Variants in SPIN1 observed in about 807,000 individuals in gnomAD.
SPIN1 encodes spindlin 1.
A neutral mutation model predicts 26.0 loss-of-function variants in SPIN1; 3 were observed. The observed-to-expected ratio is 0.12, with a 90% confidence interval of 0.05 to 0.30. The LOEUF (loss-of-function observed/expected upper bound fraction) is 0.30. SPIN1 is among the 10% of genes least tolerant of loss of function. The pLI is 1.00. For synonymous variants in SPIN1, 101 were observed against 116.5 expected, an observed-to-expected ratio of 0.87 and a Z score of 0.86; for missense variants, 126 against 333.4, an observed-to-expected ratio of 0.38 and a Z score of 4.84.
chr9:88,390,107 A>G (rs189261331), intron 1 of SPIN1, among the ~76,000 whole-genome samples: 1 of 152,342 alleles, frequency 6.6e-6, no homozygotes, highest in Admixed American at 6.5e-5. Flanking sequence ...TCTTTTGAGT[A>G]GTGAAATGGT....
At chr9:88,459,573 C>T (rs1208310136) in intron 3 of SPIN1, among the ~76,000 whole-genome samples, 1 of 152,096 alleles carries the variant, frequency 6.6e-6, no homozygotes, top group Non-Finnish European at 1.5e-5. Context: ...ACTCACTATA[C>T]TTACTCTGCT....
At chr9:88,398,115 C>T (rs927812094) in intron 1 of SPIN1, among the ~76,000 whole-genome samples, 15 of 151,878 alleles carry the variant, frequency 9.9e-5, no homozygotes, top group South Asian at 2.1e-4. Flanking sequence ...TTAGTAGAGA[C>T]GGGATTTTGC....
At chr9:88,474,040 T>C (rs1828843895) in intron 5 of SPIN1, among the ~76,000 whole-genome samples, 1 of 152,232 alleles carries the variant, frequency 6.6e-6, no homozygotes, top group Non-Finnish European at 1.5e-5. Context: ...GAGAATTTAT[T>C]GTAACCGAAG....
intron 2 of SPIN1, among the ~76,000 whole-genome samples, chr9:88,430,139 G>A (rs1022306105): frequency 2.0e-5 from 3 of 152,152 alleles, no homozygotes; most frequent in South Asian, 4.1e-4. Flanking sequence ...CACCAAAAAA[G>A]GGTTTTGTCT....
chr9:88,458,385 C>A (rs751538981), intron 3 of SPIN1, among the ~76,000 whole-genome samples: 7 of 152,108 alleles, frequency 4.6e-5, no homozygotes, highest in Non-Finnish European at 2.9e-5. Flanking sequence ...TAAAGGACCC[C>A]GGGTCCAGTT....
intron 2 of SPIN1, among the ~76,000 whole-genome samples, chr9:88,441,175 C>G (rs1317463883): frequency 6.6e-6 from 1 of 151,704 alleles, no homozygotes; most frequent in Non-Finnish European, 1.5e-5. Context: ...ATTTACATAA[C>G]TTTTGTATTT....
chr9:88,474,785 T>C lies in SPIN1; in HGVS notation c.590-293T>C, dbSNP rs1452592437. 2.0e-5 allele frequency among the ~76,000 whole-genome samples: 3 copies of C among 152,148 alleles called. No individual in the cohort carries two copies. In the East Asian group the frequency reaches 5.8e-4, roughly 29 times the overall value. On this transcript the variant is annotated intron_variant, in intron 5 of 5. Transcript: ENST00000375859. Reference sequence around the variant, plus strand: ...GGCAAACTATGAAAAAAAGTTTTATTATTGGAACACAGCCACATCTGTTTA... The same window carrying C: ...GGCAAACTATGAAAAAAAGTTTTATCATTGGAACACAGCCACATCTGTTTA...
intron 1 of SPIN1, among the ~76,000 whole-genome samples, chr9:88,396,119 TGC>T (rs892388326): frequency 1.1e-4 from 17 of 150,296 alleles, no homozygotes; most frequent in Non-Finnish European, 1.9e-4. Context: ...CATGGTGGCC[TGC>T]GCCTGTAATC....
At chr9:88,410,188 T>TGTGTGTGTGCGCGCGC (rs4029765) in intron 1 of SPIN1, among the ~76,000 whole-genome samples, 7 of 142,966 alleles carry the variant, frequency 4.9e-5, no homozygotes, top group South Asian at 2.2e-4. Flanking sequence ...TGTGTGTGTG[T>TGTGTGTGTGCGCGCGC]GCAACTTTTT....
At chr9:88,390,475 A>G (rs1826895813) in intron 1 of SPIN1, among the ~76,000 whole-genome samples, 2 of 152,222 alleles carry the variant, frequency 1.3e-5, no homozygotes, top group Admixed American at 6.5e-5. Flanking sequence ...ACATAGTTAC[A>G]ACGTTACTGG....
intron 2 of SPIN1, among the ~76,000 whole-genome samples, chr9:88,445,269 G>T (rs569622244): frequency 6.6e-6 from 1 of 151,944 alleles, no homozygotes; most frequent in South Asian, 2.1e-4. Flanking sequence ...CATGCTCCAG[G>T]AATGCTTCAG....
At chr9:88,390,029 A>G (rs1245479642) in intron 1 of SPIN1, among the ~76,000 whole-genome samples, 1 of 152,208 alleles carries the variant, frequency 6.6e-6, no homozygotes, top group Non-Finnish European at 1.5e-5. Context: ...TTAAGGTTGT[A>G]AAGAATGTGT....
At chr9:88,411,107 T>A in intron 1 of SPIN1, 1 of 1,518,078 alleles carries the variant, frequency 6.6e-7, no homozygotes, top group Middle Eastern at 2.3e-4. Context: ...TCTTAGGTGA[T>A]GTTCTTTAGT....
chr9:88,428,408 A>G (rs1040691814), intron 2 of SPIN1, among the ~76,000 whole-genome samples: 1 of 152,200 alleles, frequency 6.6e-6, no homozygotes, highest in East Asian at 1.9e-4. Flanking sequence ...TTTAGCTCCA[A>G]CTTATGAGTG....
intron 1 of SPIN1, among the ~76,000 whole-genome samples, chr9:88,410,162 A>AGTGTGTGT (rs138037814): frequency 0.071 from 9,403 of 132,922 alleles, 412 homozygotes; most frequent in Middle Eastern, 0.15. Flanking sequence ...GCATATATTT[A>AGTGTGTGT]GTGTGTGTGT....
At chr9:88,402,628 C>T (rs1298265311) in intron 1 of SPIN1, among the ~76,000 whole-genome samples, 2 of 151,778 alleles carry the variant, frequency 1.3e-5, no homozygotes, top group African/African-American at 4.8e-5. Flanking sequence ...ACCCATGTTG[C>T]TGCAAACATT....
chr9:88,392,605 CTCCTTCCTTCCT>C (rs768129803), intron 1 of SPIN1, among the ~76,000 whole-genome samples: 10 of 151,784 alleles, frequency 6.6e-5, no homozygotes, highest in Non-Finnish European at 1.2e-4. Flanking sequence ...CCTTCCTTCC[CTCCTTCCTTCCT>C]TCTTTCCTTC....
chr9:88,405,108 C>CT (rs991123146), intron 1 of SPIN1, among the ~76,000 whole-genome samples: 4 of 151,988 alleles, frequency 2.6e-5, no homozygotes, highest in Admixed American at 6.6e-5. Flanking sequence ...TTACAGTTAA[C>CT]TTTTTTTATA....
rs899968328 is a variant in SPIN1 at position 88,475,700 on chromosome 9, TATATA to T, written c.*429_*433del. ...ACCTATATCTATATGTGTGTATACA[TATATA>T]ATATATACACACAGATACAAGTGTA... On this transcript the variant is annotated 3_prime_UTR_variant, in exon 6 of 6. Coordinates refer to ENST00000375859, the MANE Select transcript of SPIN1 (RefSeq NM_006717.3). The T allele has an allele frequency of 4.3e-5, 7 of 162,064 alleles. No homozygotes were observed. The highest frequency in any genetic ancestry group is 3.5e-4 in the East Asian group (2 of 5,640). 10.0% of individuals were successfully genotyped at this position (162,064 alleles called of 1,614,324 possible).
Sources: gnomAD v4.1 joint callset for allele counts (sites outside exome capture counted in the v4.1 genomes callset) on GRCh38, gnomAD v4.1.1 for gene constraint, MANE v1.5 for transcripts, NCBI Gene and HGNC (gene_info 2026-07-23, HGNC 2026-07-21) for gene names.